MAP2K5: variants seen among roughly 807,000 people sequenced by gnomAD.
The protein encoded by MAP2K5 is mitogen-activated protein kinase kinase 5.
A neutral mutation model predicts 83.1 loss-of-function variants in MAP2K5; 49 were observed. The observed-to-expected ratio is 0.59, with a 90% CI of 0.47 to 0.75. The LOEUF is 0.75. Among genes scored for constraint, MAP2K5 ranks in the 30% least tolerant of loss-of-function variants. The pLI, the probability that MAP2K5 is intolerant of heterozygous loss-of-function variation, is 0.00. For synonymous variants in MAP2K5, 202 were observed against 191.8 expected (o/e 1.05, Z -0.44); for missense variants, 457 against 557.5 (o/e 0.82, Z 1.82).
chr15:67,677,165 T>G lies in MAP2K5; in HGVS notation c.847+12520T>G, dbSNP rs1450740284. On this transcript the variant is annotated intron_variant, in intron 13 of 21. Coordinates refer to ENST00000178640, the MANE Select transcript of MAP2K5 (RefSeq NM_145160.3). This position sits in a 1 kb window ranked among gnomAD's most constrained non-coding sequence, Gnocchi z 4.2. ...TTCCCAAGATCACCCAACTATTCAC[T>G]GCCAAAGCTGGGATAATCCATCCTA... 1.3e-5 allele frequency among the ~76,000 whole-genome samples: 2 copies of G among 152,202 alleles called. No individual in the cohort carries two copies. Among genetic ancestry groups the G allele is most frequent in the Non-Finnish European group, 2.9e-5 (2 of 68,024 alleles).
chr15:67,762,525 A>G (rs1225337222), intron 19 of MAP2K5, among the ~76,000 whole-genome samples: 9 of 151,616 alleles, frequency 5.9e-5, no homozygotes, highest in Non-Finnish European at 1.3e-4. Context: ...CCATATGTTT[A>G]CAACATTTCT....
intron 8 of MAP2K5, among the ~76,000 whole-genome samples, chr15:67,621,219 A>G (rs2086176831): frequency 6.6e-6 from 1 of 152,178 alleles, no homozygotes; most frequent in Admixed American, 6.5e-5. Flanking sequence ...ATGAAAATAC[A>G]AATATTTACA....
At position 67,708,301 on chromosome 15, in the gene MAP2K5, C is replaced by G. The variant is rs574590399; in HGVS notation, c.1044+4893C>G. 6.6e-6 allele frequency among the ~76,000 whole-genome samples: 1 copy of G among 150,926 alleles called. No homozygotes were observed. Among genetic ancestry groups the G allele is most frequent in the African/African-American group, 2.4e-5 (1 of 41,014 alleles). On this transcript the variant is annotated intron_variant, in intron 16 of 21. Coordinates refer to ENST00000178640, the MANE Select transcript of MAP2K5 (RefSeq NM_145160.3). This position sits in a 1 kb window ranked among gnomAD's most constrained non-coding sequence, Gnocchi z 4.9. ...TTGCACCACCACACTCCAGCCTAGT[C>G]AACAGAGCAAGATGCTGTCTTAAAA...
chr15:67,606,771 T>G (rs1168330441), intron 8 of MAP2K5, among the ~76,000 whole-genome samples: 1 of 152,232 alleles, frequency 6.6e-6, no homozygotes, highest in Admixed American at 6.5e-5. Flanking sequence ...GAAGGACTGA[T>G]GGTCATTTGT....
intron 6 of MAP2K5, among the ~76,000 whole-genome samples, chr15:67,588,370 T>C (rs1807776590): frequency 6.6e-6 from 1 of 152,218 alleles, no homozygotes; most frequent in Non-Finnish European, 1.5e-5. Context: ...TAAATTATCT[T>C]CTGAGAACTG....
Position 67,570,907 on chromosome 15 carries a change from T to C in MAP2K5, c.252+7557T>C, listed in dbSNP as rs2084935510. On this transcript the variant is annotated intron_variant, in intron 3 of 21. Transcript: ENST00000178640. The stretch of plus-strand genomic sequence containing the variant: ...GCATGAGTATTCCTTATAAGTGAAA[T>C]ACTGTACCAATTATGTTGTCTGTTA... Among the ~76,000 whole-genome samples, 3 of 152,228 alleles carry C rather than the reference T, an allele frequency of 2.0e-5. 1 individual carries two copies. The South Asian group carries it at 6.2e-4, about 32-fold the overall frequency.
rs1315552260 is a variant in MAP2K5 at position 67,764,610 on chromosome 15, A to G, written c.1135-4992A>G. On this transcript the variant is annotated intron_variant, in intron 19 of 21. Transcript: ENST00000178640. The surrounding 1 kb of genome is among the most constrained non-coding windows in gnomAD (Gnocchi z 4.9). The stretch of plus-strand genomic sequence containing the variant: ...ATGGATTAAGTATCAGCCATTCCAC[A>G]ATGCCAGGCTCATTGCGTTCCACAT... Among the ~76,000 whole-genome samples the G allele has an allele frequency of 6.6e-6, 1 of 152,214 alleles. No homozygotes were observed. Among genetic ancestry groups the G allele is most frequent in the Non-Finnish European group, 1.5e-5 (1 of 68,034 alleles).
rs972666986 is a variant in MAP2K5, at chr15:67,802,519, G to A, written c.1243-4127G>A. 4.6e-5 allele frequency among the ~76,000 whole-genome samples: 7 copies of A among 152,240 alleles called. No individual in the cohort carries two copies. The highest frequency in any genetic ancestry group is 1.3e-4 in the Admixed American group (2 of 15,292). On this transcript the variant is annotated intron_variant, in intron 21 of 21. Transcript: ENST00000178640. The surrounding 1 kb of genome is among the most constrained non-coding windows in gnomAD (Gnocchi z 5.0). ...GTGGACTATAATAACTTCAACCCTC[G>A]TCAGTTTAATTGTTGCAATTGGCCC... is the stretch of plus-strand genomic sequence containing the variant.
At chr15:67,624,534 TTA>T (rs1310662197) in intron 8 of MAP2K5, among the ~76,000 whole-genome samples, 2 of 151,940 alleles carry the variant, frequency 1.3e-5, no homozygotes, top group African/African-American at 4.8e-5. Flanking sequence ...AAGTTTTGAA[TTA>T]TATGTTTCCC....
intron 8 of MAP2K5, among the ~76,000 whole-genome samples, chr15:67,612,821 G>C (rs1020256747): frequency 1.3e-5 from 2 of 152,146 alleles, no homozygotes; most frequent in African/African-American, 4.8e-5. Context: ...TAAAGCACAG[G>C]CATTTACATG....
intron 15 of MAP2K5, among the ~76,000 whole-genome samples, chr15:67,694,056 A>G (rs2088183890): frequency 6.6e-6 from 1 of 152,000 alleles, no homozygotes; most frequent in African/African-American, 2.4e-5. Context: ...GTACCTCTAT[A>G]TTTTGTTTAG....
intron 16 of MAP2K5, among the ~76,000 whole-genome samples, chr15:67,709,632 C>T (rs2088641326): frequency 6.6e-6 from 1 of 152,160 alleles, no homozygotes; most frequent in South Asian, 2.1e-4. Flanking sequence ...GTGCTTATCT[C>T]TTCTAAAGAA....
intron 9 of MAP2K5, among the ~76,000 whole-genome samples, chr15:67,641,209 G>A (rs772788406): frequency 2.0e-5 from 3 of 152,150 alleles, no homozygotes; most frequent in Non-Finnish European, 4.4e-5. Context: ...TCTTAGCATT[G>A]TATATTGCAT....
intron 19 of MAP2K5, among the ~76,000 whole-genome samples, chr15:67,756,514 ACTGTGTGT>A (rs1397557441): frequency 2.8e-4 from 27 of 97,926 alleles, no homozygotes; most frequent in South Asian, 2.7e-3. Flanking sequence ...ACACACAGTT[ACTGTGTGT>A]GTGTGTGTGT....
chr15:67,675,887 G>A (rs1022444568), intron 13 of MAP2K5, among the ~76,000 whole-genome samples: 1 of 152,118 alleles, frequency 6.6e-6, no homozygotes, highest in Non-Finnish European at 1.5e-5. Flanking sequence ...TTCTGAAAAT[G>A]AGTATCAATG....
At chr15:67,625,989 C>T (rs993813693) in intron 8 of MAP2K5, among the ~76,000 whole-genome samples, 1 of 152,112 alleles carries the variant, frequency 6.6e-6, no homozygotes, top group African/African-American at 2.4e-5. Context: ...CTCAAACGTC[C>T]AGGTGTTGCT....
At chr15:67,607,812 G>A (rs2085813961) in intron 8 of MAP2K5, among the ~76,000 whole-genome samples, 1 of 151,778 alleles carries the variant, frequency 6.6e-6, no homozygotes, top group Non-Finnish European at 1.5e-5. Context: ...TTTTATGATA[G>A]TATAATTATA....
In MAP2K5 at chr15:67,719,548, C is replaced by T. The variant is rs1264320673; in HGVS notation, c.1045-8368C>T. ...AGATGTAGAACACTGGGAACTGTCA[C>T]CAGGAAGGATGTGATACACACTGCC... On this transcript the variant is annotated intron_variant, in intron 16 of 21. Transcript: ENST00000178640. This position sits in a 1 kb window ranked among gnomAD's most constrained non-coding sequence, Gnocchi z 4.6. Among the ~76,000 whole-genome samples the T allele has an allele frequency of 1.3e-5, 2 of 152,150 alleles. No homozygotes were observed. Among genetic ancestry groups the T allele is most frequent in the African/African-American group, 4.8e-5 (2 of 41,444 alleles).
In MAP2K5 at chr15:67,774,736, A is replaced by T. The variant is rs1410046526; in HGVS notation, c.1242+1984A>T. On this transcript the variant is annotated intron_variant, in intron 21 of 21. Transcript: ENST00000178640. The surrounding 1 kb of genome is among the most constrained non-coding windows in gnomAD (Gnocchi z 4.9). ...GAGACTCCTCTGGAATGCATGAACT[A>T]TAGAGCCCATTTGTCACCTGGGTGG... is the stretch of plus-strand genomic sequence containing the variant. 6.6e-6 allele frequency among the ~76,000 whole-genome samples: 1 copy of T among 152,200 alleles called. No individual in the cohort carries two copies. The highest frequency in any genetic ancestry group is 1.9e-4 in the East Asian group (1 of 5,198).
Sources: allele counts gnomAD v4.1 joint callset (sites outside exome capture counted in the v4.1 genomes callset), GRCh38; gene constraint gnomAD v4.1.1; non-coding constraint Gnocchi (gnomAD v3.1); transcripts MANE v1.5; gene names NCBI Gene and HGNC (gene_info 2026-07-23, HGNC 2026-07-21).